NFAT5: variants seen among roughly 807,000 people sequenced by gnomAD.
NFAT5 encodes nuclear factor of activated T cells 5, also known as nuclear factor of activated T-cells 5.
NFAT5 carries 31 observed loss-of-function variants against 166.5 expected under a neutral mutation model. The ratio of observed to expected loss-of-function variants is 0.19; its 90% CI spans 0.14 to 0.25. The LOEUF (loss-of-function observed/expected upper bound fraction) is 0.25. Ranked by LOEUF, NFAT5 falls within the 10% of genes least tolerant of loss-of-function variation. The probability of loss-of-function intolerance (pLI) is 1.00; values close to 1 mark genes in which losing one functional copy is unlikely to be tolerated. For synonymous variants in NFAT5, 612 were observed against 639.7 expected (o/e 0.96, Z 0.65); for missense variants, 1,449 against 1,821.8 (o/e 0.80, Z 3.72).
intron 7 of NFAT5, among the ~76,000 whole-genome samples, chr16:69,662,198 A>T (rs1240931596): frequency 6.6e-6 from 1 of 152,192 alleles, no homozygotes; most frequent in African/African-American, 2.4e-5. Context: ...CTGCTCAGAG[A>T]TGGTAGAACT....
intron 3 of NFAT5, among the ~76,000 whole-genome samples, chr16:69,632,812 G>C (rs570785856): frequency 3.0e-4 from 45 of 152,258 alleles, no homozygotes; most frequent in African/African-American, 1.1e-3. Context: ...GAGCTAAAAT[G>C]TTGTGAGTTG....
intron 2 of NFAT5, among the ~76,000 whole-genome samples, chr16:69,615,817 C>T (rs952129043): frequency 2.0e-5 from 3 of 152,044 alleles, no homozygotes; most frequent in African/African-American, 4.8e-5. Context: ...TTGCTACTGC[C>T]TCCTGCTTTC....
At chr16:69,643,122 C>T (rs999430311) in intron 3 of NFAT5, among the ~76,000 whole-genome samples, 5 of 148,730 alleles carry the variant, frequency 3.4e-5, no homozygotes, top group South Asian at 4.3e-4. Flanking sequence ...GAGGCTAAGG[C>T]GGGAGAATCA....
intron 3 of NFAT5, among the ~76,000 whole-genome samples, chr16:69,630,736 CTATAG>C (rs1293720482): frequency 1.3e-5 from 2 of 152,058 alleles, no homozygotes; most frequent in Admixed American, 1.3e-4. Flanking sequence ...TTGGATAATC[CTATAG>C]TATAGTTATA....
At chr16:69,679,788 G>T (rs766902193) in intron 10 of NFAT5, among the ~76,000 whole-genome samples, 1 of 152,036 alleles carries the variant, frequency 6.6e-6, no homozygotes, top group South Asian at 2.1e-4. Flanking sequence ...TTTCTAGGAA[G>T]GCTTAAAACA....
At chr16:69,634,722 A>G (rs1261051076) in intron 3 of NFAT5, among the ~76,000 whole-genome samples, 1 of 152,224 alleles carries the variant, frequency 6.6e-6, no homozygotes, top group Non-Finnish European at 1.5e-5. Flanking sequence ...CAACATGTAC[A>G]TAGTTTTATT....
At chr16:69,639,012 T>G (rs2035092169) in intron 3 of NFAT5, among the ~76,000 whole-genome samples, 1 of 152,212 alleles carries the variant, frequency 6.6e-6, no homozygotes. Context: ...AATGTAGCTG[T>G]CAGCTAGTAT....
chr16:69,595,243 TA>T (rs2032722860), intron 2 of NFAT5, among the ~76,000 whole-genome samples: 1 of 152,210 alleles, frequency 6.6e-6, no homozygotes, highest in Admixed American at 6.5e-5. Flanking sequence ...TCTCTCAAAA[TA>T]GCTTACTGTT....
intron 3 of NFAT5, among the ~76,000 whole-genome samples, chr16:69,638,706 A>G (rs1174562965): frequency 6.7e-6 from 1 of 148,410 alleles, no homozygotes; most frequent in African/African-American, 2.5e-5. Context: ...ACTGCACTCC[A>G]GTTTGGGCAA....
intron 2 of NFAT5, among the ~76,000 whole-genome samples, chr16:69,579,064 C>T (rs554945948): frequency 1.3e-5 from 2 of 151,922 alleles, no homozygotes; most frequent in Non-Finnish European, 2.9e-5. Context: ...TTAGTAGAGA[C>T]GGGGTTTCAC....
At chr16:69,680,101 G>C (rs2036995429) in intron 10 of NFAT5, among the ~76,000 whole-genome samples, 1 of 152,194 alleles carries the variant, frequency 6.6e-6, no homozygotes, top group South Asian at 2.1e-4. Context: ...CTGGGCGACA[G>C]AGCAAGACTC....
At chr16:69,571,678 C>T (rs187495585) in intron 2 of NFAT5, among the ~76,000 whole-genome samples, 16 of 151,684 alleles carry the variant, frequency 1.1e-4, no homozygotes, top group Non-Finnish European at 2.1e-4. Flanking sequence ...TTTTATAGAA[C>T]GTACGTTTTC....
rs55992469 is a variant in NFAT5, at chr16:69,702,827, G to A, written c.*6476G>A. ...CCTGGTTATCTATAATCTTTTATTG[G>A]CAAAAGTTAATTCTCAGTACTGCCT... On this transcript the variant is annotated 3_prime_UTR_variant, in exon 15 of 15. Transcript: ENST00000349945. 7.6e-3 allele frequency: 1,163 copies of A among 152,578 alleles called. 100 individuals carry two copies. The East Asian group carries it at 0.19, about 24-fold the overall frequency. 9.5% of individuals were successfully genotyped at this position (152,578 alleles called of 1,614,324 possible). A position where few individuals can be genotyped will look rare whatever the true frequency, so the allele number is the denominator to read the frequency against.
Position 69,630,531 on chromosome 16 carries a change from T to C in NFAT5, c.253+4003T>C, listed in dbSNP as rs544257229. 2.3e-4 allele frequency among the ~76,000 whole-genome samples: 35 copies of C among 152,326 alleles called. No individual in the cohort carries two copies. The South Asian group carries it at 6.8e-3, about 30-fold the overall frequency. On this transcript the variant is annotated intron_variant, in intron 3 of 14. Transcript: ENST00000349945. ...AGTGGAAAGATAGTTAAGCCTTAGA[T>C]GTTCAATATATCAATGAATGAAAGC...
chr16:69,639,253 G>T (rs534600719), intron 3 of NFAT5, among the ~76,000 whole-genome samples: 63 of 152,058 alleles, frequency 4.1e-4, no homozygotes, highest in Non-Finnish European at 7.4e-4. Context: ...CCTTTGGGTT[G>T]AATTTTTGTT....
intron 2 of NFAT5, among the ~76,000 whole-genome samples, chr16:69,601,967 A>G (rs2033154536): frequency 6.6e-6 from 1 of 152,140 alleles, no homozygotes; most frequent in Non-Finnish European, 1.5e-5. Flanking sequence ...ACCACCCCCA[A>G]ACCATCTTGT....
intron 2 of NFAT5, among the ~76,000 whole-genome samples, chr16:69,626,129 C>A (rs1434233613): frequency 6.7e-6 from 1 of 149,356 alleles, no homozygotes; most frequent in Non-Finnish European, 1.5e-5. Flanking sequence ...AAAAAAAAAA[C>A]CTTTTGTAGA....
At chr16:69,688,228 C>CAAAAA (rs2037406802) in intron 11 of NFAT5, among the ~76,000 whole-genome samples, 1 of 102,404 alleles carries the variant, frequency 9.8e-6, no homozygotes, top group African/African-American at 4.3e-5. Context: ...AAAAAAAAAC[C>CAAAAA]AGGAGTTTGA....
chr16:69,621,262 A>G (rs999605921), intron 2 of NFAT5, among the ~76,000 whole-genome samples: 2 of 152,154 alleles, frequency 1.3e-5, no homozygotes, highest in Non-Finnish European at 2.9e-5. Flanking sequence ...TTAAAAAAAA[A>G]AAAACAGCTT....
Sources: gnomAD v4.1 joint callset for allele counts (sites outside exome capture counted in the v4.1 genomes callset) on GRCh38, gnomAD v4.1.1 for gene constraint, MANE v1.5 for transcripts, NCBI Gene and HGNC (gene_info 2026-07-23, HGNC 2026-07-21) for gene names.